Variants in CNTN1 observed in about 807,000 individuals in gnomAD.
CNTN1 encodes contactin 1.
Under a neutral mutation model 126.4 loss-of-function variants are expected in CNTN1, and 38 were observed. The ratio of observed to expected loss-of-function variants is 0.30; its 90% CI spans 0.23 to 0.39. CNTN1 has a LOEUF of 0.39. Ranked by LOEUF, CNTN1 falls within the 10% of genes least tolerant of loss-of-function variation. CNTN1 has a pLI of 1.00. For synonymous variants in CNTN1, 413 were observed against 422.6 expected (o/e 0.98, Z 0.28); for missense variants, 1,009 against 1,248.4 (o/e 0.81, Z 2.89).
chr12:40,968,999 C>G (rs1239291663), intron 15 of CNTN1, among the ~76,000 whole-genome samples: 1 of 152,088 alleles, frequency 6.6e-6, no homozygotes, highest in Non-Finnish European at 1.5e-5. Flanking sequence ...CATTTTAGCT[C>G]GTTTAAAATT....
At chr12:41,064,173 CAA>C (rs35620860) in intron 23 of CNTN1, among the ~76,000 whole-genome samples, 17,431 of 111,586 alleles carry the variant, frequency 0.16, 1,233 homozygotes, top group African/African-American at 0.26. Flanking sequence ...GACTCCATCT[CAA>C]AAAAAAAAAA....
chr12:40,937,043 G>T (rs981835212), intron 10 of CNTN1, 138 bp downstream of exon 10: 2 of 1,029,578 alleles, frequency 1.9e-6, no homozygotes, highest in African/African-American at 1.6e-5. Flanking sequence ...TCCTAAAAAA[G>T]ACAAAAACTG....
intron 1 of CNTN1, among the ~76,000 whole-genome samples, chr12:40,754,485 T>A (rs1938523853): frequency 6.6e-6 from 1 of 152,126 alleles, no homozygotes; most frequent in Admixed American, 6.6e-5. Flanking sequence ...TACTTTTTTT[T>A]ACTGTTGCAT....
In CNTN1 at chr12:40,775,383, T is replaced by C. The variant is rs193286532; in HGVS notation, c.-77+82791T>C. On this transcript the variant is annotated intron_variant, in intron 1 of 23. Transcript: ENST00000551295. The stretch of plus-strand genomic sequence containing the variant: ...TGGAAAAATTTTTAGGTATGAGATA[T>C]AATTACCTAGAGGCCTAGAAACTTG... Among the ~76,000 whole-genome samples, 32 of 151,520 alleles carry C rather than the reference T, an allele frequency of 2.1e-4. No individual in the cohort carries two copies. The East Asian group carries it at 5.6e-3, about 27-fold the overall frequency.
At chr12:40,906,465 AAATGCT>A (rs1944820515) in intron 1 of CNTN1, among the ~76,000 whole-genome samples, 1 of 152,130 alleles carries the variant, frequency 6.6e-6, no homozygotes, top group South Asian at 2.1e-4. Flanking sequence ...AGCCTCTGCC[AAATGCT>A]AGGATTCTTG....
At chr12:40,861,002 G>A (rs1391317112) in intron 1 of CNTN1, among the ~76,000 whole-genome samples, 6 of 151,952 alleles carry the variant, frequency 3.9e-5, no homozygotes, top group African/African-American at 4.8e-5. Flanking sequence ...TAGGAGCTCC[G>A]TGCCAGGAAC....
chr12:40,861,811 C>T (rs78711055), intron 1 of CNTN1, among the ~76,000 whole-genome samples: 1,909 of 152,112 alleles, frequency 0.013, 43 homozygotes, highest in African/African-American at 0.043. Flanking sequence ...ATAGTACAAC[C>T]ACCTTTACAA....
At chr12:40,929,660 G>A (rs574566197) in intron 6 of CNTN1, 136 bp from the exon 7 acceptor site, 4 of 693,082 alleles carry the variant, frequency 5.8e-6, no homozygotes, top group Admixed American at 4.3e-5. Flanking sequence ...TGCACTGTTT[G>A]TCTTGGCTTT....
At chr12:41,001,350 GATC>G (rs1948355870) in intron 17 of CNTN1, among the ~76,000 whole-genome samples, 1 of 152,108 alleles carries the variant, frequency 6.6e-6, no homozygotes, top group African/African-American at 2.4e-5. Flanking sequence ...TTTCTCTAAT[GATC>G]ATTATGTGGA....
chr12:41,019,720 A>G (rs1312105852), intron 19 of CNTN1, among the ~76,000 whole-genome samples: 1 of 152,218 alleles, frequency 6.6e-6, no homozygotes, highest in African/African-American at 2.4e-5. Flanking sequence ...TCTTGAGCCC[A>G]GGAAACAGTG....
intron 1 of CNTN1, among the ~76,000 whole-genome samples, chr12:40,826,545 A>G (rs566783531): frequency 3.3e-5 from 5 of 152,348 alleles, no homozygotes; most frequent in Non-Finnish European, 5.9e-5. Flanking sequence ...TAGCATCTTT[A>G]TCAGTCAAGT....
At chr12:40,914,044 T>TA (rs11396311) in intron 3 of CNTN1, among the ~76,000 whole-genome samples, 22,427 of 151,780 alleles carry the variant, frequency 0.15, 2,375 homozygotes, top group African/African-American at 0.31. Flanking sequence ...ATCTATCTAG[T>TA]AAAAAAAAGG....
chr12:40,872,547 G>GC lies in CNTN1; in HGVS notation c.-76-35809dup, dbSNP rs555023642. On this transcript the variant is annotated intron_variant, in intron 1 of 23. Coordinates refer to ENST00000551295, the MANE Select transcript of CNTN1 (RefSeq NM_001843.4). ...ACTGTTTACAATAATAGTTTGTATT[G>GC]CATGTACTAAGCATTTTTTCTTTCT... Among the ~76,000 whole-genome samples the GC allele has an allele frequency of 3.0e-4, 44 of 148,322 alleles. 1 individual carries two copies. The highest frequency in any genetic ancestry group is 1.0e-3 in the African/African-American group (41 of 40,370).
chr12:40,888,792 G>A (rs1044550771), intron 1 of CNTN1, among the ~76,000 whole-genome samples: 1 of 152,238 alleles, frequency 6.6e-6, no homozygotes, highest in Non-Finnish European at 1.5e-5. Context: ...AGAGTTAAGA[G>A]TCTAACAAGC....
At chr12:41,047,303 C>T (rs1214574111) in intron 23 of CNTN1, among the ~76,000 whole-genome samples, 1 of 152,122 alleles carries the variant, frequency 6.6e-6, no homozygotes, top group Non-Finnish European at 1.5e-5. Context: ...TCCCACTGTT[C>T]CCTCTAAAAC....
rs533112398 is a variant in CNTN1 at position 40,774,926 on chromosome 12, A to G, written c.-77+82334A>G. ...GTACATGTGATACTTTGATATAAGT[A>G]TACAATATGTAATGATTAAATAAGG... On this transcript the variant is annotated intron_variant, in intron 1 of 23. Transcript: ENST00000551295. 5.1e-4 allele frequency among the ~76,000 whole-genome samples: 77 copies of G among 151,784 alleles called. 1 individual carries two copies. The South Asian group carries it at 0.015, about 30-fold the overall frequency.
At chr12:40,745,811 C>T (rs1938157940) in intron 1 of CNTN1, among the ~76,000 whole-genome samples, 1 of 152,052 alleles carries the variant, frequency 6.6e-6, no homozygotes, top group South Asian at 2.1e-4. Context: ...TGATTTCTTT[C>T]CTTATCTGTC....
At chr12:41,037,455 T>C (rs73126923) in intron 23 of CNTN1, among the ~76,000 whole-genome samples, 1,630 of 152,214 alleles carry the variant, frequency 0.011, 8 homozygotes, top group Middle Eastern at 0.024. Context: ...AATATGCTTA[T>C]GCTGTGGAGG....
chr12:40,894,260 T>C (rs1944331321), intron 1 of CNTN1, among the ~76,000 whole-genome samples: 1 of 152,198 alleles, frequency 6.6e-6, no homozygotes. Flanking sequence ...TTGCAAGTGA[T>C]ACTGGCACTT....
Sources: gnomAD v4.1 joint callset for allele counts (sites outside exome capture counted in the v4.1 genomes callset) on GRCh38, gnomAD v4.1.1 for gene constraint, MANE v1.5 for transcripts, NCBI Gene and HGNC (gene_info 2026-07-23, HGNC 2026-07-21) for gene names.